The following BOK variants were observed in gnomAD, a reference collection of about 807,000 sequenced individuals.
BOK encodes the protein bcl-2-related ovarian killer protein.
Under a neutral mutation model 18.3 loss-of-function variants are expected in BOK, and 20 were observed. That is an observed-to-expected ratio of 1.09 (90% CI 0.77 to 1.59). The LOEUF is 1.59. BOK is among the 40% of genes most tolerant of loss of function. The pLI, the probability that BOK is intolerant of heterozygous loss-of-function variation, is 0.00. For synonymous variants in BOK, 173 were observed against 142.4 expected (o/e 1.21, Z -1.53); for missense variants, 348 against 307.9 (o/e 1.13, Z -0.97).
intron 4 of BOK, among the ~76,000 whole-genome samples, chr2:241,571,539 A>G (rs6751180): frequency 6.6e-5 from 10 of 152,068 alleles, no homozygotes; most frequent in African/African-American, 2.4e-4. Context: ...GCAGAGGGCA[A>G]TGTCCCAAGA....
chr2:241,568,140 ATT>A (rs1293601778), intron 3 of BOK, among the ~76,000 whole-genome samples: 1 of 151,698 alleles, frequency 6.6e-6, no homozygotes, highest in African/African-American at 2.4e-5. Context: ...TTTATTATTT[ATT>A]TATTTTTTCA....
At chr2:241,571,214 T>G (rs1007922715) in intron 4 of BOK, among the ~76,000 whole-genome samples, 6 of 147,982 alleles carry the variant, frequency 4.1e-5, no homozygotes, top group African/African-American at 1.5e-4. Context: ...GCCCCCGCCC[T>G]CCCGAGTGGG....
intron 2 of BOK, among the ~76,000 whole-genome samples, chr2:241,561,065 A>C (rs979504018): frequency 6.6e-6 from 1 of 152,146 alleles, no homozygotes; most frequent in African/African-American, 2.4e-5. Flanking sequence ...GGGAATTTCC[A>C]TGTCGTCCCC....
At chr2:241,568,181 C>T (rs571558528) in intron 3 of BOK, among the ~76,000 whole-genome samples, 3 of 152,256 alleles carry the variant, frequency 2.0e-5, no homozygotes, top group Admixed American at 6.5e-5. Context: ...AGTGCAATGG[C>T]GTGATCTCGG....
rs767912338 is a variant in BOK at position 241,572,375 on chromosome 2, G to A, written c.592G>A (p.Gly198Ser). The part of the protein sequence containing the change: ...HWLVAALCSF[G>S]RFLKAAFFVL... ...GCTGGTGGCTGCACTCTGCAGCTTCGGCCGCTTCCTGAAGGCTGCCTTCTT... is the reference window on the plus strand; with the variant it reads ...GCTGGTGGCTGCACTCTGCAGCTTCAGCCGCTTCCTGAAGGCTGCCTTCTT... Residue 198 changes from glycine (G) to serine (S), a missense_variant, in exon 5 of 5, where the codon GGC becomes AGC. Gly to Ser is a moderately conservative substitution (Grantham distance 56). Transcript: ENST00000318407. 25 of 1,605,784 alleles carry A rather than the reference G, an allele frequency of 1.6e-5. No homozygotes were observed. Among genetic ancestry groups the A allele is most frequent in the African/African-American group, 1.5e-4 (11 of 74,908 alleles).
Position 241,570,256 on chromosome 2 carries a change from C to G in BOK, c.481C>G (p.Leu161Val). Residue 161 changes from leucine to valine, a missense_variant, in exon 4 of 5, where the codon CTG becomes GTG. Physicochemically the swap from Leu to Val is conservative, Grantham distance 32. Transcript: ENST00000318407. ...CCTGGGGGAGTTCGTGCGCAAGACC[C>G]TGGCAACCTGGCTGCGGAGACGCGG... Reference protein sequence around the residue: ...DCLGEFVRKTLATWLRRRGGW... With the variant: ...DCLGEFVRKTVATWLRRRGGW... The G allele has an allele frequency of 6.3e-7, 1 of 1,579,202 alleles. No individual in the cohort carries two copies. Among genetic ancestry groups the G allele is most frequent in the Non-Finnish European group, 8.6e-7 (1 of 1,164,194 alleles).
upstream of BOK, among the ~76,000 whole-genome samples, chr2:241,555,868 T>G (rs1371640041): frequency 2.6e-5 from 4 of 152,164 alleles, no homozygotes; most frequent in Admixed American, 6.5e-5. Context: ...AAGTATGAGT[T>G]CATTCTGCAC....
intron 3 of BOK, among the ~76,000 whole-genome samples, chr2:241,569,368 T>C (rs1035305523): frequency 6.6e-6 from 1 of 152,210 alleles, no homozygotes; most frequent in Non-Finnish European, 1.5e-5. Context: ...CCCAACCTTG[T>C]GATCTGCCCG....
intron 1 of BOK, among the ~76,000 whole-genome samples, chr2:241,552,621 T>C (rs1004530790): frequency 1.3e-5 from 2 of 152,200 alleles, no homozygotes; most frequent in African/African-American, 4.8e-5. Context: ...TGTGTCTCCT[T>C]CGTGTCTTTT....
At chr2:241,563,894 C>T (rs2125049250) in intron 3 of BOK, among the ~76,000 whole-genome samples, 1 of 152,154 alleles carries the variant, frequency 6.6e-6, no homozygotes, top group Non-Finnish European at 1.5e-5. Context: ...AGTGTGAGGA[C>T]CACTGCCTCT....
chr2:241,556,805 T>C (rs2066455332), upstream of BOK, among the ~76,000 whole-genome samples: 1 of 152,164 alleles, frequency 6.6e-6, no homozygotes, highest in Admixed American at 6.5e-5. Flanking sequence ...TGCAGGTTTG[T>C]ATGAGACTGG....
intron 3 of BOK, among the ~76,000 whole-genome samples, chr2:241,567,198 G>C (rs1450882552): frequency 7.8e-6 from 1 of 128,592 alleles, no homozygotes; most frequent in Non-Finnish European, 1.6e-5. Context: ...GAAGAGTTGT[G>C]ATCTTGCAAC....
chr2:241,558,788 G>C lies in BOK; in HGVS notation c.-235G>C, dbSNP rs1358904199. ...CGCGCGCTGCCCACCTCGCTGCCCAGGCCCCCGACGCCGCGGCAGGAGCCC... is the reference window on the plus strand; with the variant it reads ...CGCGCGCTGCCCACCTCGCTGCCCACGCCCCCGACGCCGCGGCAGGAGCCC... On this transcript the variant is annotated 5_prime_UTR_variant, in exon 1 of 5. Transcript: ENST00000318407. 1 of 152,280 alleles carries C rather than the reference G, an allele frequency of 6.6e-6. No homozygotes were observed. Among genetic ancestry groups the C allele is most frequent in the Non-Finnish European group, 1.5e-5 (1 of 68,104 alleles). The allele number at this position is 152,280 out of a possible 1,614,324, so 9.4% of individuals were successfully genotyped here.
chr2:241,559,587 G>A lies in BOK; in HGVS notation c.104G>A (p.Gly35Asp), dbSNP rs1366817466. 3 of 1,511,266 alleles carry A rather than the reference G, an allele frequency of 2.0e-6. No individual in the cohort carries two copies. Among genetic ancestry groups the A allele is most frequent in the Non-Finnish European group, 2.6e-6 (3 of 1,138,288 alleles). The allele number at this position is 1,511,266 out of a possible 1,614,324, so 93.6% of individuals were successfully genotyped here. A position where few individuals can be genotyped will look rare whatever the true frequency, so the allele number is the denominator to read the frequency against. ...KELVAQAKAL[G>D]REYVHARLLR... ...CTGGTGGCCCAGGCCAAGGCGCTGG[G>A]CCGGGAGTACGTGCACGCGCGGCTG... Residue 35 changes from glycine to aspartate, a missense_variant, in exon 2 of 5, where the codon GGC becomes GAC. Gly to Asp is a moderately conservative substitution (Grantham distance 94). Transcript: ENST00000318407.
intron 1 of BOK, among the ~76,000 whole-genome samples, chr2:241,553,729 C>T (rs1241981178): frequency 6.6e-6 from 1 of 152,202 alleles, no homozygotes; most frequent in Non-Finnish European, 1.5e-5. Context: ...TCCCCCAACA[C>T]TGGGGTTTAC....
intron 3 of BOK, among the ~76,000 whole-genome samples, chr2:241,568,144 A>T (rs898962861): frequency 4.0e-5 from 6 of 151,612 alleles, no homozygotes; most frequent in Admixed American, 1.3e-4. Flanking sequence ...TTATTTATTT[A>T]TTTTTTCACT....
chr2:241,552,146 G>C (rs2066418676), intron 1 of BOK, among the ~76,000 whole-genome samples: 1 of 152,158 alleles, frequency 6.6e-6, no homozygotes, highest in Admixed American at 6.5e-5. Context: ...GCTACCTCAG[G>C]AGCATTTTGA....
chr2:241,564,616 A>G (rs1396491657), intron 3 of BOK, among the ~76,000 whole-genome samples: 1 of 152,216 alleles, frequency 6.6e-6, no homozygotes, highest in East Asian at 1.9e-4. Flanking sequence ...CAGCGGAAGC[A>G]TGGTGGCAGG....
rs530143267 is a variant in BOK at position 241,569,276 on chromosome 2, C to T, written c.350-849C>T. Among the ~76,000 whole-genome samples the T allele has an allele frequency of 3.3e-5, 5 of 151,900 alleles. No homozygotes were observed. The South Asian group carries it at 6.3e-4, about 19-fold the overall frequency. Reference sequence around the variant, plus strand: ...CCTCCCGAGTAGCTGGGATTATAGGCGCGTGCCACCACGCCTGGCTAATTT... The same window carrying T: ...CCTCCCGAGTAGCTGGGATTATAGGTGCGTGCCACCACGCCTGGCTAATTT... On this transcript the variant is annotated intron_variant, in intron 3 of 4. Transcript: ENST00000318407.
Sources: allele counts gnomAD v4.1 joint callset (sites outside exome capture counted in the v4.1 genomes callset), GRCh38; gene constraint gnomAD v4.1.1; transcripts MANE v1.5; gene names NCBI Gene and HGNC (gene_info 2026-07-23, HGNC 2026-07-21).